Variants in EZH1 observed in about 807,000 individuals in gnomAD.
The protein encoded by EZH1 is histone-lysine N-methyltransferase EZH1.
Under a neutral mutation model 100.5 loss-of-function variants are expected in EZH1, and 33 were observed. The observed-to-expected ratio is 0.33, with a 90% CI of 0.25 to 0.44. The LOEUF (loss-of-function observed/expected upper bound fraction) is 0.44. EZH1 is among the 20% of genes least tolerant of loss of function. EZH1 has a pLI of 1.00. For synonymous variants in EZH1, 272 were observed against 313.8 expected, an observed-to-expected ratio of 0.87 and a Z score of 1.41; for missense variants, 475 against 928.4, an observed-to-expected ratio of 0.51 and a Z score of 6.35.
rs2053277620 is a variant in EZH1 at position 42,703,078 on chromosome 17, G to T, written c.2099-117C>A. On this transcript the variant is annotated intron_variant, in intron 19 of 20. Coordinates refer to ENST00000428826, the MANE Select transcript of EZH1 (RefSeq NM_001991.5). The stretch of plus-strand genomic sequence containing the variant: ...TGAAAACATGAATCAAATGGAATTA[G>T]AAAGTAGTCAATATGGTAGTTGCCT... 8 of 980,404 alleles carry T rather than the reference G, an allele frequency of 8.2e-6. No homozygotes were observed. The Admixed American group carries it at 1.3e-4, about 16-fold the overall frequency. The allele number at this position is 980,404 out of a possible 1,614,324, so 60.7% of individuals were successfully genotyped here.
intron 15 of EZH1, among the ~76,000 whole-genome samples, chr17:42,707,538 C>T (rs531882718): frequency 1.2e-4 from 18 of 152,264 alleles, no homozygotes; most frequent in Middle Eastern, 3.4e-3. Context: ...GGATTATAGG[C>T]GTGAGCCACC....
rs529231256 is a variant in EZH1 at position 42,728,798 on chromosome 17, AACTTTC to A, written c.117+21_117+26del. 5.6e-6 allele frequency: 9 copies of A among 1,608,630 alleles called. No individual in the cohort carries two copies. In the African/African-American group the frequency reaches 1.2e-4, roughly 22 times the overall value. On this transcript the variant is annotated intron_variant, in intron 3 of 20. Transcript: ENST00000428826. ...CTGGGTCAGTATATTGAAATATATA[AACTTTC>A]ACTTGGGAATTATTTTTTACCTTTG...
chr17:42,707,897 G>A (rs2081180255), intron 15 of EZH1, 61 bp downstream of exon 15: 5 of 1,608,134 alleles, frequency 3.1e-6, no homozygotes, highest in Non-Finnish European at 1.7e-6. Flanking sequence ...AATGGGGCAA[G>A]CCTAGGGCAC....
chr17:42,704,833 T>G, intron 17 of EZH1, 150 bp from the exon 18 acceptor site: 1 of 709,870 alleles, frequency 1.4e-6, no homozygotes. Flanking sequence ...CAAGTTATGC[T>G]GTTCCAATTC....
At chr17:42,730,749 G>T in intron 2 of EZH1, 79 bp downstream of exon 2, 3 of 550,068 alleles carry the variant, frequency 5.5e-6, no homozygotes, top group Non-Finnish European at 6.9e-6. Flanking sequence ...GCCCGCCTTG[G>T]CCTCCCAAAG....
At position 42,718,745 on chromosome 17, in the gene EZH1, T is replaced by C; in HGVS notation, c.768-128A>G. On this transcript the variant is annotated intron_variant, in intron 8 of 20. Transcript: ENST00000428826. The surrounding 1 kb of genome is among the most constrained non-coding windows in gnomAD (Gnocchi z 4.2). Reference sequence around the variant, plus strand: ...GGATGGGTGTTTTTTATAGGTCTGGTTGATAAGAGAATGGTAGATAACTAG... The same window carrying C: ...GGATGGGTGTTTTTTATAGGTCTGGCTGATAAGAGAATGGTAGATAACTAG... 1.1e-6 allele frequency: 1 copy of C among 888,112 alleles called. No homozygotes were observed. 55.0% of individuals were successfully genotyped at this position (888,112 alleles called of 1,614,324 possible). A position where few individuals can be genotyped will look rare whatever the true frequency, so the allele number is the denominator to read the frequency against.
rs1597823476 is a variant in EZH1, at chr17:42,706,232, C to G, written c.1661-47G>C. On this transcript the variant is annotated intron_variant, in intron 15 of 20. Transcript: ENST00000428826. This position sits in a 1 kb window ranked among gnomAD's most constrained non-coding sequence, Gnocchi z 4.4. Reference sequence around the variant, plus strand: ...GTCTTAGAAGGGAAATAAGCTAATACTGGGGCTTGTGGTTGACTCAAGGGA... The same window carrying G: ...GTCTTAGAAGGGAAATAAGCTAATAGTGGGGCTTGTGGTTGACTCAAGGGA... 2 of 1,528,812 alleles carry G rather than the reference C, an allele frequency of 1.3e-6. No homozygotes were observed. The highest frequency in any genetic ancestry group is 2.3e-5 in the East Asian group (1 of 42,796). 94.7% of individuals were successfully genotyped at this position (1,528,812 alleles called of 1,614,324 possible). A position where few individuals can be genotyped will look rare whatever the true frequency, so the allele number is the denominator to read the frequency against.
At position 42,702,474 on chromosome 17, in the gene EZH1, G is replaced by C. The variant is rs552367085; in HGVS notation, c.*58C>G. 1 of 1,412,112 alleles carries C rather than the reference G, an allele frequency of 7.1e-7. No individual in the cohort carries two copies. The highest frequency in any genetic ancestry group is 2.0e-5 in the Admixed American group (1 of 49,548). The allele number at this position is 1,412,112 out of a possible 1,614,324, so 87.5% of individuals were successfully genotyped here. ...CAGGAGACTCGAGCAGCAGTGGTGT[G>C]AGCACGAAAGCCAAGACAGTGCCGC... On this transcript the variant is annotated 3_prime_UTR_variant, in exon 21 of 21. Transcript: ENST00000428826.
chr17:42,732,663 G>A (rs1050730518), intron 1 of EZH1, among the ~76,000 whole-genome samples: 3 of 152,182 alleles, frequency 2.0e-5, no homozygotes, highest in Non-Finnish European at 4.4e-5. Flanking sequence ...AGCTACTTGG[G>A]AGGCTGAGCC....
At chr17:42,716,250 T>C (rs1597837725) in intron 10 of EZH1, among the ~76,000 whole-genome samples, 1 of 152,192 alleles carries the variant, frequency 6.6e-6, no homozygotes, top group South Asian at 2.1e-4. Flanking sequence ...AATGTGGTTA[T>C]GTAAGAGAAT....
chr17:42,703,709 CCA>C, intron 19 of EZH1, 29 bp downstream of exon 19: 1 of 1,524,366 alleles, frequency 6.6e-7, no homozygotes, highest in Non-Finnish European at 9.1e-7. Context: ...CATCCATCCC[CCA>C]CCCCACCTCC....
chr17:42,705,422 A>G (rs916187498), intron 16 of EZH1, among the ~76,000 whole-genome samples: 2 of 152,216 alleles, frequency 1.3e-5, no homozygotes, highest in Non-Finnish European at 2.9e-5. Context: ...CCTGGGCCTT[A>G]GTCTATAGGA....
chr17:42,710,508 C>A (rs922788667), intron 12 of EZH1, among the ~76,000 whole-genome samples: 5 of 151,864 alleles, frequency 3.3e-5, no homozygotes, highest in Admixed American at 2.6e-4. Flanking sequence ...AAAATACAGA[C>A]AAGAACATTC....
At position 42,707,945 on chromosome 17, in the gene EZH1, G is replaced by C; in HGVS notation, c.1660+13C>G. On this transcript the variant is annotated intron_variant, in intron 15 of 20. Transcript: ENST00000428826. ...TGTTTTGGTAGACTATACAGAAAAC[G>C]TAGCACACTTACAGTCTGGGTTGCA... 1.2e-6 allele frequency: 2 copies of C among 1,613,574 alleles called. No homozygotes were observed. Among genetic ancestry groups the C allele is most frequent in the Non-Finnish European group, 1.7e-6 (2 of 1,179,708 alleles).
At chr17:42,725,860 G>A (rs1025209643) in intron 4 of EZH1, among the ~76,000 whole-genome samples, 12 of 151,976 alleles carry the variant, frequency 7.9e-5, no homozygotes, top group African/African-American at 2.9e-4. Context: ...AAAGATATTT[G>A]CTCTCAATAC....
intron 7 of EZH1, 64 bp from the exon 8 acceptor site, chr17:42,719,271 G>C (rs1462186089): frequency 9.5e-6 from 12 of 1,269,158 alleles, no homozygotes; most frequent in Non-Finnish European, 6.9e-6. Flanking sequence ...AAATCTGTGT[G>C]ATCTTTTTTC....
At chr17:42,713,841 T>C (rs954799915) in intron 10 of EZH1, among the ~76,000 whole-genome samples, 8 of 152,200 alleles carry the variant, frequency 5.3e-5, no homozygotes, top group Non-Finnish European at 1.2e-4. Context: ...AAAATTAACT[T>C]GCGTGTTACT....
intron 5 of EZH1, among the ~76,000 whole-genome samples, 155 bp from the exon 6 acceptor site, chr17:42,723,070 G>T (rs919468597): frequency 6.6e-6 from 1 of 152,052 alleles, no homozygotes; most frequent in African/African-American, 2.4e-5. Flanking sequence ...TGGCCATTTT[G>T]TTTGGCCAAA....
chr17:42,715,147 T>TATAATAGATTATATGTATTTATATATTAC (rs2053575149), intron 10 of EZH1, among the ~76,000 whole-genome samples: 1 of 138,942 alleles, frequency 7.2e-6, no homozygotes, highest in Non-Finnish European at 1.5e-5. Context: ...TTATATATTA[T>TATAATAGATTATATGTATTTATATATTAC]ATATTATAGA....
Sources: gnomAD v4.1 joint callset for allele counts (sites outside exome capture counted in the v4.1 genomes callset) on GRCh38, gnomAD v4.1.1 for gene constraint, Gnocchi (gnomAD v3.1) non-coding constraint, MANE v1.5 for transcripts, NCBI Gene and HGNC (gene_info 2026-07-23, HGNC 2026-07-21) for gene names.